Variants in TBL1XR1 observed in about 807,000 individuals in gnomAD.
TBL1XR1 encodes the protein F-box-like/WD repeat-containing protein TBL1XR1.
A neutral mutation model predicts 66.9 loss-of-function variants in TBL1XR1; 5 were observed. The ratio of observed to expected loss-of-function variants is 0.07; its 90% CI spans 0.04 to 0.16. The LOEUF is 0.16. TBL1XR1 is among the 10% of genes least tolerant of loss of function. TBL1XR1 has a pLI of 1.00. For synonymous variants in TBL1XR1, 210 were observed against 206.0 expected (o/e 1.02, Z -0.17); for missense variants, 238 against 623.2 (o/e 0.38, Z 6.58).
chr3:177,196,819 C>CG (rs1230438688), intron 1 of TBL1XR1, among the ~76,000 whole-genome samples: 1 of 151,478 alleles, frequency 6.6e-6, no homozygotes, highest in Non-Finnish European at 1.5e-5. Flanking sequence ...TGCACATTTT[C>CG]GGGGACAACA....
At chr3:177,126,053 C>G (rs1388579972) in intron 1 of TBL1XR1, 1 of 152,172 alleles carries the variant, frequency 6.6e-6, no homozygotes, top group Non-Finnish European at 1.5e-5. Context: ...GTGTGTCATC[C>G]TTGTGCAGGG....
rs182537005 is a variant in TBL1XR1, at chr3:177,142,672, C to T, written c.-121-44131G>A. 5.3e-5 allele frequency among the ~76,000 whole-genome samples: 8 copies of T among 151,642 alleles called. No homozygotes were observed. In the East Asian group the frequency reaches 5.8e-4, roughly 11 times the overall value. ...TATAGTAAATTTTTATGTCTATTTA[C>T]GATTAAAATAAGTAAATTTAAGAAG... On this transcript the variant is annotated intron_variant, in intron 1 of 15. Coordinates refer to ENST00000457928, the MANE Select transcript of TBL1XR1 (RefSeq NM_024665.7).
intron 10 of TBL1XR1, among the ~76,000 whole-genome samples, chr3:177,040,860 A>G (rs1715487596): frequency 6.6e-6 from 1 of 152,194 alleles, no homozygotes; most frequent in Non-Finnish European, 1.5e-5. Context: ...GTAAGCTCAT[A>G]AAGGAAACAG....
intron 3 of TBL1XR1, among the ~76,000 whole-genome samples, chr3:177,058,616 T>G (rs1364310403): frequency 6.6e-6 from 1 of 152,220 alleles, no homozygotes; most frequent in Non-Finnish European, 1.5e-5. Flanking sequence ...ATGTGTGTTG[T>G]TTTTTTCTCC....
At chr3:177,135,110 TCCTG>T (rs1227058856) in intron 1 of TBL1XR1, among the ~76,000 whole-genome samples, 1 of 151,528 alleles carries the variant, frequency 6.6e-6, no homozygotes, top group African/African-American at 2.4e-5. Context: ...CAAGAGATTC[TCCTG>T]CCTCAGCCTC....
chr3:177,131,139 G>A (rs991231832), intron 1 of TBL1XR1, among the ~76,000 whole-genome samples: 1 of 152,178 alleles, frequency 6.6e-6, no homozygotes, highest in Non-Finnish European at 1.5e-5. Context: ...ACAGAAACTA[G>A]GTTTCAGAGA....
chr3:177,083,612 T>G (rs1363943239), intron 2 of TBL1XR1, among the ~76,000 whole-genome samples: 1 of 152,206 alleles, frequency 6.6e-6, no homozygotes, highest in Admixed American at 6.5e-5. Context: ...ATGAAAATTT[T>G]CAAACATATA....
chr3:177,185,374 C>A (rs994646194), intron 1 of TBL1XR1, among the ~76,000 whole-genome samples: 1 of 151,858 alleles, frequency 6.6e-6, no homozygotes, highest in Non-Finnish European at 1.5e-5. Context: ...TTTGGGAGGC[C>A]GAGGAGGATG....
At chr3:177,181,453 CTGAG>C (rs924219374) in intron 1 of TBL1XR1, among the ~76,000 whole-genome samples, 2 of 146,154 alleles carry the variant, frequency 1.4e-5, no homozygotes, top group African/African-American at 5.1e-5. Context: ...ACACTCCAGC[CTGAG>C]TGACAGAGCC....
intron 1 of TBL1XR1, among the ~76,000 whole-genome samples, chr3:177,178,014 G>C (rs929448006): frequency 7.9e-5 from 12 of 152,328 alleles, no homozygotes; most frequent in African/African-American, 2.6e-4. Context: ...TTGGAACTGA[G>C]AGGGAATGAC....
At chr3:177,136,002 C>T (rs1410554829) in intron 1 of TBL1XR1, among the ~76,000 whole-genome samples, 5 of 152,128 alleles carry the variant, frequency 3.3e-5, no homozygotes, top group African/African-American at 1.2e-4. Flanking sequence ...GAATCCAAAT[C>T]TCTCCATCTT....
intron 3 of TBL1XR1, 25 bp downstream of exon 3, chr3:177,064,895 C>T (rs1169502649): frequency 2.9e-6 from 4 of 1,373,752 alleles, no homozygotes; most frequent in African/African-American, 1.5e-5. Context: ...AATTTGAGGC[C>T]TATTTACTTT....
intron 1 of TBL1XR1, among the ~76,000 whole-genome samples, chr3:177,161,791 A>T (rs1449116958): frequency 6.6e-6 from 1 of 152,068 alleles, no homozygotes; most frequent in Non-Finnish European, 1.5e-5. Context: ...CTCAAAAAAA[A>T]AAAAAAAATC....
chr3:177,168,073 A>G (rs1026381728), intron 1 of TBL1XR1, among the ~76,000 whole-genome samples: 1 of 152,226 alleles, frequency 6.6e-6, no homozygotes, highest in Non-Finnish European at 1.5e-5. Context: ...CAGTTAAGCT[A>G]AATTCTTCCA....
At chr3:177,026,176 G>C (rs892039688) in intron 15 of TBL1XR1, 197 bp downstream of exon 15, 1 of 553,872 alleles carries the variant, frequency 1.8e-6, no homozygotes, top group Non-Finnish European at 3.1e-6. Flanking sequence ...AAGGTATTTG[G>C]TAAGGACAGC....
chr3:177,150,707 T>C (rs1730783106), intron 1 of TBL1XR1, among the ~76,000 whole-genome samples: 2 of 152,212 alleles, frequency 1.3e-5, no homozygotes, highest in African/African-American at 4.8e-5. Flanking sequence ...TGGAAAAATA[T>C]GTCCTGTGTA....
chr3:177,033,167 T>TA (rs745346385), intron 13 of TBL1XR1, 31 bp from the exon 14 acceptor site: 263 of 1,492,504 alleles, frequency 1.8e-4, no homozygotes, highest in Non-Finnish European at 2.2e-4. Context: ...AGTTAATTTA[T>TA]AAGTAAGGAA....
At chr3:177,033,530 A>C (rs968570816) in intron 13 of TBL1XR1, among the ~76,000 whole-genome samples, 1 of 151,936 alleles carries the variant, frequency 6.6e-6, no homozygotes, top group African/African-American at 2.4e-5. Flanking sequence ...TTTTCTAAAG[A>C]TACTGAAGAT....
intron 1 of TBL1XR1, among the ~76,000 whole-genome samples, chr3:177,138,748 G>A (rs1025597241): frequency 2.6e-5 from 4 of 152,090 alleles, no homozygotes; most frequent in Admixed American, 2.0e-4. Context: ...GAAGCAAAAA[G>A]GGAGAAAAAG....
Sources: gnomAD v4.1 joint callset for allele counts (sites outside exome capture counted in the v4.1 genomes callset) on GRCh38, gnomAD v4.1.1 for gene constraint, MANE v1.5 for transcripts, NCBI Gene and HGNC (gene_info 2026-07-23, HGNC 2026-07-21) for gene names.